BOLA3: variants seen among roughly 807,000 people sequenced by gnomAD.
The protein encoded by BOLA3 is bolA family member 3.
BOLA3 carries 8 observed loss-of-function variants against 14.5 expected under a neutral mutation model. The ratio of observed to expected loss-of-function variants is 0.55; its 90% CI spans 0.32 to 0.99. The LOEUF is 0.99. Ranked by LOEUF, BOLA3 falls within the 50% of genes least tolerant of loss-of-function variation. The pLI is 0.04. For missense variants in BOLA3, 115 were observed against 138.2 expected (o/e 0.83, Z 0.84); for synonymous variants, 42 against 45.7 (o/e 0.92, Z 0.33).
Position 74,145,236 on chromosome 2 carries a change from T to C in BOLA3, c.122A>G (p.Lys41Arg). Residue 41 changes from lysine to arginine, a missense_variant, in exon 2 of 4, where the codon AAA becomes AGA. Physicochemically the swap from Lys to Arg is conservative, Grantham distance 26. Coordinates refer to ENST00000327428, the MANE Select transcript of BOLA3 (RefSeq NM_212552.3). Reference sequence around the variant, plus strand: ...AGCTGTAGCTCGTGGAAACTTTTCTTTGAGAATTTGGGTCACTCTGAGCTC... The same window carrying C: ...AGCTGTAGCTCGTGGAAACTTTTCTCTGAGAATTTGGGTCACTCTGAGCTC... ...EGELRVTQIL[K>R]EKFPRATAIK... The C allele has an allele frequency of 6.2e-7, 1 of 1,612,774 alleles. No individual in the cohort carries two copies. The highest frequency in any genetic ancestry group is 8.5e-7 in the Non-Finnish European group (1 of 1,178,710).
At chr2:74,144,536 G>A (rs993701438) in intron 2 of BOLA3, among the ~76,000 whole-genome samples, 12 of 151,132 alleles carry the variant, frequency 7.9e-5, no homozygotes, top group Non-Finnish European at 1.5e-4. Context: ...TGTGTGTGTG[G>A]ATAAAGGGCC....
At chr2:74,145,353 C>G (rs1395074102) in intron 1 of BOLA3, 50 bp from the exon 2 acceptor site, 1 of 1,167,040 alleles carries the variant, frequency 8.6e-7, no homozygotes, top group East Asian at 2.3e-5. Context: ...TGCTGTTGCC[C>G]CTGAGCTGGG....
rs560483022 is a variant in BOLA3, at chr2:74,141,110, C to A, written c.258+1162G>T. Among the ~76,000 whole-genome samples, 3 of 152,344 alleles carry A rather than the reference C, an allele frequency of 2.0e-5. No individual in the cohort carries two copies. In the South Asian group the frequency reaches 6.2e-4, roughly 32 times the overall value. ...GCCAGCCAGGTCTTCCCTGTCTTGT[C>A]TTCTGCCTTGATTCTGACCCCAGAG... is the stretch of plus-strand genomic sequence containing the variant. On this transcript the variant is annotated intron_variant, in intron 3 of 3. Transcript: ENST00000327428.
intron 3 of BOLA3, among the ~76,000 whole-genome samples, chr2:74,136,518 C>A (rs1469466425): frequency 1.3e-5 from 2 of 151,828 alleles, no homozygotes; most frequent in African/African-American, 4.8e-5. Context: ...TATGTGTGGC[C>A]CAAGAGAATT....
rs1282974113 is a variant in BOLA3, at chr2:74,147,853, C to T, written c.22G>A (p.Ala8Thr). MAAWSPA[A>T]AAPLLRGIRG... ...ATCCCGCGGAGGAGAGGCGCTGCCG[C>T]GGCCGGGCTCCATGCAGCCATGCCC... Residue 8 changes from alanine to threonine, a missense_variant, in exon 1 of 4, where the codon GCG becomes ACG. Physicochemically the swap from Ala to Thr is moderately conservative, Grantham distance 58. Transcript: ENST00000327428. The T allele has an allele frequency of 3.9e-6, 6 of 1,524,844 alleles. No individual in the cohort carries two copies. The highest frequency in any genetic ancestry group is 5.2e-6 in the Non-Finnish European group (6 of 1,143,116). The allele number at this position is 1,524,844 out of a possible 1,614,324, so 94.5% of individuals were successfully genotyped here. A position where few individuals can be genotyped will look rare whatever the true frequency, so the allele number is the denominator to read the frequency against.
chr2:74,136,668 G>A lies in BOLA3; in HGVS notation c.259-1010C>T, dbSNP rs575032315. On this transcript the variant is annotated intron_variant, in intron 3 of 3. Coordinates refer to ENST00000327428, the MANE Select transcript of BOLA3 (RefSeq NM_212552.3). ...CCTGATTCTTTTTTGCATCAGCATA[G>A]TATTCCATTATATGAATGCATTATA... is the stretch of plus-strand genomic sequence containing the variant. Among the ~76,000 whole-genome samples, 4 of 152,316 alleles carry A rather than the reference G, an allele frequency of 2.6e-5. No individual in the cohort carries two copies. In the South Asian group the frequency reaches 6.2e-4, roughly 24 times the overall value.
Position 74,142,313 on chromosome 2 carries a change from TAAATTC to T in BOLA3, c.211_216del (p.Glu71_Phe72del). 6.2e-7 allele frequency: 1 copy of T among 1,614,060 alleles called. No homozygotes were observed. The highest frequency in any genetic ancestry group is 1.1e-5 in the South Asian group (1 of 91,080). Reference sequence around the variant, plus strand: ...TGCTGCTGGACAGTTCTCTTCTCCTTAAATTCTTCTGATTCAATTTTAATTTCATAC... The same window carrying T: ...TGCTGCTGGACAGTTCTCTTCTCCTTTTCTGATTCAATTTTAATTTCATAC... On this transcript the variant is annotated inframe_deletion, in exon 3 of 4. Coordinates refer to ENST00000327428, the MANE Select transcript of BOLA3 (RefSeq NM_212552.3).
chr2:74,138,971 G>A (rs1692386816), intron 3 of BOLA3, among the ~76,000 whole-genome samples: 1 of 152,198 alleles, frequency 6.6e-6, no homozygotes, highest in Non-Finnish European at 1.5e-5. Flanking sequence ...AGGACAGGTA[G>A]GGAGGTGCTC....
intron 2 of BOLA3, 87 bp downstream of exon 2, chr2:74,145,101 AG>A (rs1692519675): frequency 2.5e-6 from 2 of 795,440 alleles, no homozygotes; most frequent in African/African-American, 1.7e-5. Flanking sequence ...ACCAGCAGCA[AG>A]CCCCCTCCTC....
intron 2 of BOLA3, among the ~76,000 whole-genome samples, chr2:74,144,216 C>A (rs1572943488): frequency 1.3e-5 from 2 of 151,288 alleles, no homozygotes; most frequent in East Asian, 2.0e-4. Context: ...ACCATGTTGG[C>A]CAGGCTGGTC....
rs1692306759 is a variant in BOLA3 at position 74,135,501 on chromosome 2, T to C, written c.*92A>G. 1.3e-6 allele frequency: 2 copies of C among 1,555,410 alleles called. No individual in the cohort carries two copies. Among genetic ancestry groups the C allele is most frequent in the Admixed American group, 3.3e-5 (2 of 59,912 alleles). ...TATGGAAATGTATATGAGCAAAATA[T>C]ATAAATTTTTTGGTGACTGCTTAGG... On this transcript the variant is annotated 3_prime_UTR_variant, in exon 4 of 4. Transcript: ENST00000327428.
chr2:74,135,679 A>G, intron 3 of BOLA3, 21 bp from the exon 4 acceptor site: 1 of 1,552,692 alleles, frequency 6.4e-7, no homozygotes, highest in Middle Eastern at 1.7e-4. Context: ...AAACAGCATC[A>G]TCAGTTTTTG....
At position 74,135,468 on chromosome 2, in the gene BOLA3, A is replaced by G. The variant is rs1343055902; in HGVS notation, c.*125T>C. Reference sequence around the variant, plus strand: ...TCTAAATAGATTATACATCTTCTATAATTATAATATGGAAATGTATATGAG... The same window carrying G: ...TCTAAATAGATTATACATCTTCTATGATTATAATATGGAAATGTATATGAG... On this transcript the variant is annotated 3_prime_UTR_variant, in exon 4 of 4. Transcript: ENST00000327428. The G allele has an allele frequency of 2.2e-6, 3 of 1,364,248 alleles. No homozygotes were observed. The African/African-American group carries it at 4.4e-5, about 20-fold the overall frequency. The allele number at this position is 1,364,248 out of a possible 1,614,324, so 84.5% of individuals were successfully genotyped here.
rs549864619 is a variant in BOLA3, at chr2:74,145,428, C to A, written c.55-125G>T. 3.3e-5 allele frequency: 24 copies of A among 726,138 alleles called. No homozygotes were observed. In the African/African-American group the frequency reaches 4.1e-4, roughly 13 times the overall value. The allele number at this position is 726,138 out of a possible 1,614,324, so 45.0% of individuals were successfully genotyped here. Reference sequence around the variant, plus strand: ...GGCCCCTGAGCCCTCGCCAGCACAGCCATGGGTTATGTCAGAGGGGCTCTG... The same window carrying A: ...GGCCCCTGAGCCCTCGCCAGCACAGACATGGGTTATGTCAGAGGGGCTCTG... On this transcript the variant is annotated intron_variant, in intron 1 of 3. Coordinates refer to ENST00000327428, the MANE Select transcript of BOLA3 (RefSeq NM_212552.3).
At chr2:74,142,149 T>G (rs1692448080) in intron 3 of BOLA3, 123 bp downstream of exon 3, 1 of 744,878 alleles carries the variant, frequency 1.3e-6, no homozygotes, top group Admixed American at 2.0e-5. Context: ...TTGAGTCCTG[T>G]TTCGTGATTG....
In BOLA3 at chr2:74,145,266, T is replaced by C; in HGVS notation, c.92A>G (p.Glu31Gly). The C allele has an allele frequency of 1.2e-6, 2 of 1,611,388 alleles. No individual in the cohort carries two copies. Among genetic ancestry groups the C allele is most frequent in the Non-Finnish European group, 1.7e-6 (2 of 1,177,436 alleles). ...LHHRMFATQTEGELRVTQILK... is the reference protein window; with the variant it reads ...LHHRMFATQTGGELRVTQILK... ...AATTTGGGTCACTCTGAGCTCCCCC[T>C]CAGTCTGAGTGGCAAACATCCGATG... Residue 31 changes from glutamate (E) to glycine (G), a missense_variant, in exon 2 of 4, where the codon GAG (glutamate) becomes GGG (glycine). Physicochemically the swap from Glu to Gly is moderately conservative, Grantham distance 98. Coordinates refer to ENST00000327428, the MANE Select transcript of BOLA3 (RefSeq NM_212552.3).
In BOLA3 at chr2:74,139,634, C is replaced by T. The variant is rs1692400387; in HGVS notation, c.258+2638G>A. Among the ~76,000 whole-genome samples, 7 of 152,348 alleles carry T rather than the reference C, an allele frequency of 4.6e-5. 1 individual carries two copies. In the South Asian group the frequency reaches 1.4e-3, roughly 32 times the overall value. On this transcript the variant is annotated intron_variant, in intron 3 of 3. Coordinates refer to ENST00000327428, the MANE Select transcript of BOLA3 (RefSeq NM_212552.3). ...CTTCTCATGCGACTGTCAAAGCCAA[C>T]ATCTCCAGACTTAAATCATCTAAAA...
rs575068774 is a variant in BOLA3, at chr2:74,137,394, A to G, written c.259-1736T>C. Among the ~76,000 whole-genome samples the G allele has an allele frequency of 5.3e-5, 8 of 152,342 alleles. No homozygotes were observed. The East Asian group carries it at 1.5e-3, about 29-fold the overall frequency. ...AGACCAACACAGGGAAAGAAGCTGA[A>G]AGCTCAGAGAGAGAGAGGAATCTAG... On this transcript the variant is annotated intron_variant, in intron 3 of 3. Coordinates refer to ENST00000327428, the MANE Select transcript of BOLA3 (RefSeq NM_212552.3).
chr2:74,142,877 G>A (rs1218530523), intron 2 of BOLA3, among the ~76,000 whole-genome samples: 1 of 152,168 alleles, frequency 6.6e-6, no homozygotes, highest in Non-Finnish European at 1.5e-5. Context: ...GGAGCTGCTC[G>A]GGGCTGTCTC....
Sources: gnomAD v4.1 joint callset for allele counts (sites outside exome capture counted in the v4.1 genomes callset) on GRCh38, gnomAD v4.1.1 for gene constraint, MANE v1.5 for transcripts, NCBI Gene and HGNC (gene_info 2026-07-23, HGNC 2026-07-21) for gene names.